The following SH3RF3 variants were observed in gnomAD, a reference collection of about 807,000 sequenced individuals.
The protein encoded by SH3RF3 is SH3 domain containing ring finger 3.
Under a neutral mutation model 66.3 loss-of-function variants are expected in SH3RF3, and 29 were observed. That is an observed-to-expected ratio of 0.44 (90% CI 0.33 to 0.60). SH3RF3 has a LOEUF of 0.60. Ranked by LOEUF, SH3RF3 falls within the 20% of genes least tolerant of loss-of-function variation. The pLI is 0.04. For synonymous variants in SH3RF3, 583 were observed against 532.0 expected (o/e 1.10, Z -1.32); for missense variants, 1,194 against 1,190.9 (o/e 1.00, Z -0.04).
At chr2:109,261,477 C>G (rs756452373) in intron 1 of SH3RF3, among the ~76,000 whole-genome samples, 6 of 152,158 alleles carry the variant, frequency 3.9e-5, no homozygotes, top group Non-Finnish European at 8.8e-5. Flanking sequence ...TTGGAGGTGT[C>G]AGACGTGTGT....
chr2:109,388,751 A>C (rs1198315561), intron 3 of SH3RF3, among the ~76,000 whole-genome samples: 3 of 152,156 alleles, frequency 2.0e-5, no homozygotes, highest in Non-Finnish European at 4.4e-5. Context: ...TAATCCTCAG[A>C]CCTCCAAGGA....
At chr2:109,384,383 G>A (rs1414598327) in intron 3 of SH3RF3, among the ~76,000 whole-genome samples, 9 of 152,070 alleles carry the variant, frequency 5.9e-5, no homozygotes, top group Non-Finnish European at 7.4e-5. Context: ...GTCAGCGCTC[G>A]GGACTTGGCA....
chr2:109,387,233 T>C (rs1443912243), intron 3 of SH3RF3, among the ~76,000 whole-genome samples: 1 of 152,222 alleles, frequency 6.6e-6, no homozygotes, highest in African/African-American at 2.4e-5. Context: ...TGTGAGAATA[T>C]TCTCATAACA....
chr2:109,226,099 A>C (rs575681368), intron 1 of SH3RF3, among the ~76,000 whole-genome samples: 11 of 152,220 alleles, frequency 7.2e-5, no homozygotes, highest in Non-Finnish European at 1.3e-4. Context: ...GACTCAGGCT[A>C]AATCACTTGT....
In SH3RF3 at chr2:109,449,312, G is replaced by C. The variant is rs760905835; in HGVS notation, c.1971G>C (p.Pro657=). The C allele has an allele frequency of 1.2e-6, 2 of 1,606,534 alleles. No homozygotes were observed. Among genetic ancestry groups the C allele is most frequent in the African/African-American group, 2.7e-5 (2 of 74,756 alleles). ...VVSPQHSHQP[P]VQMCPRPAIP... ...CCCCGCAGCACAGCCACCAGCCCCC[G>C]GTGCAGATGTGCCCACGGCCGGCCA... Residue 657 remains proline (P), a synonymous_variant, in exon 8 of 10, where the codon CCG becomes CCC. Transcript: ENST00000309415.
At chr2:109,310,829 C>T (rs1681707149) in intron 1 of SH3RF3, among the ~76,000 whole-genome samples, 3 of 92,504 alleles carry the variant, frequency 3.2e-5, no homozygotes, top group Admixed American at 2.3e-4. Flanking sequence ...ATAACAGGAG[C>T]TGAAATTGTG....
intron 5 of SH3RF3, among the ~76,000 whole-genome samples, chr2:109,420,498 T>C (rs534296955): frequency 6.6e-6 from 1 of 152,246 alleles, no homozygotes; most frequent in East Asian, 1.9e-4. Flanking sequence ...CAGGCTGGAG[T>C]GCAATGGCGC....
intron 8 of SH3RF3, among the ~76,000 whole-genome samples, chr2:109,484,125 G>A (rs1275457439): frequency 1.3e-5 from 2 of 149,386 alleles, no homozygotes; most frequent in African/African-American, 2.5e-5. Context: ...CTGGAGTGCA[G>A]TGGCGTGATC....
chr2:109,273,428 C>T (rs769299571), intron 1 of SH3RF3, among the ~76,000 whole-genome samples: 2 of 152,170 alleles, frequency 1.3e-5, no homozygotes, highest in Non-Finnish European at 2.9e-5. Context: ...CCCATGCCTG[C>T]CCCCAGGAGG....
intron 1 of SH3RF3, among the ~76,000 whole-genome samples, chr2:109,324,657 C>T (rs746458224): frequency 6.6e-6 from 1 of 152,230 alleles, no homozygotes; most frequent in Non-Finnish European, 1.5e-5. Context: ...TTGATCCTTT[C>T]TCCTGGAACT....
intron 3 of SH3RF3, among the ~76,000 whole-genome samples, chr2:109,375,045 G>T (rs1683349836): frequency 6.6e-6 from 1 of 152,244 alleles, no homozygotes; most frequent in African/African-American, 2.4e-5. Flanking sequence ...TTCAGAGGAG[G>T]TGGACCCCGC....
chr2:109,414,763 C>G (rs528496117), intron 4 of SH3RF3, among the ~76,000 whole-genome samples: 1 of 152,334 alleles, frequency 6.6e-6, no homozygotes, highest in South Asian at 2.1e-4. Flanking sequence ...TCTGTGGTCT[C>G]TTGTTCCTGT....
chr2:109,219,795 T>A (rs1679189083), intron 1 of SH3RF3, among the ~76,000 whole-genome samples: 1 of 152,214 alleles, frequency 6.6e-6, no homozygotes, highest in South Asian at 2.1e-4. Flanking sequence ...TAAGTGGAAA[T>A]GCATCTCTTG....
intron 1 of SH3RF3, among the ~76,000 whole-genome samples, chr2:109,189,367 C>G (rs1476856355): frequency 6.8e-6 from 1 of 147,972 alleles, no homozygotes; most frequent in Non-Finnish European, 1.5e-5. Flanking sequence ...AGTCGTTTGA[C>G]TTTTTTTTTT....
intron 1 of SH3RF3, among the ~76,000 whole-genome samples, chr2:109,173,399 C>T (rs1433532158): frequency 2.6e-5 from 4 of 152,228 alleles, no homozygotes; most frequent in South Asian, 4.2e-4. Context: ...CAGATAAAGG[C>T]GGGTTATCTT....
At position 109,379,349 on chromosome 2, in the gene SH3RF3, T is replaced by A. The variant is rs376611410; in HGVS notation, c.945+7668T>A. 1.6e-4 allele frequency among the ~76,000 whole-genome samples: 25 copies of A among 152,320 alleles called. 1 individual carries two copies. In the East Asian group the frequency reaches 3.9e-3, roughly 24 times the overall value. On this transcript the variant is annotated intron_variant, in intron 3 of 9. Transcript: ENST00000309415. The stretch of plus-strand genomic sequence containing the variant: ...TAGATGAGGAACTGGAAAACGCCTT[T>A]AAAGTCATGGTTTACCATGGAGATG...
rs145489902 is a variant in SH3RF3, at chr2:109,270,065, G to A, written c.574-77609G>A. On this transcript the variant is annotated intron_variant, in intron 1 of 9. Coordinates refer to ENST00000309415, the MANE Select transcript of SH3RF3 (RefSeq NM_001099289.3). ...CTGAAGCTGAAGGAAGCAGGATGCC[G>A]TGAGCTTGGCTGCCGTGGGGCAGGG... Among the ~76,000 whole-genome samples the A allele has an allele frequency of 8.6e-3, 1,316 of 152,338 alleles. 6 individuals carry two copies. The highest frequency in any genetic ancestry group is 0.014 in the Non-Finnish European group (968 of 68,040).
chr2:109,213,560 T>TA (rs1679041053), intron 1 of SH3RF3, among the ~76,000 whole-genome samples: 1 of 152,138 alleles, frequency 6.6e-6, no homozygotes, highest in Admixed American at 6.5e-5. Context: ...GCTGGGCTCT[T>TA]AAAGCAAGGA....
intron 1 of SH3RF3, among the ~76,000 whole-genome samples, chr2:109,257,308 A>G (rs1388927424): frequency 6.6e-6 from 1 of 150,458 alleles, no homozygotes; most frequent in East Asian, 2.0e-4. Flanking sequence ...ATGTGGGCTT[A>G]AGGAAGAGGG....
Sources: allele counts gnomAD v4.1 joint callset (sites outside exome capture counted in the v4.1 genomes callset), GRCh38; gene constraint gnomAD v4.1.1; transcripts MANE v1.5; gene names NCBI Gene and HGNC (gene_info 2026-07-23, HGNC 2026-07-21).